Variants in PCDHA9 observed in about 807,000 individuals in gnomAD.
PCDHA9 encodes the protein protocadherin alpha-9.
PCDHA9 carries 62 observed loss-of-function variants against 62.0 expected under a neutral mutation model. That is an observed-to-expected ratio of 1.00 (90% CI 0.81 to 1.23). The LOEUF is 1.23. PCDHA9 is among the 50% of genes most tolerant of loss of function. The pLI, the probability that PCDHA9 is intolerant of heterozygous loss-of-function variation, is 0.00. For synonymous variants in PCDHA9, 557 were observed against 567.6 expected (o/e 0.98, Z 0.27); for missense variants, 1,205 against 1,249.8 (o/e 0.96, Z 0.54).
At chr5:140,870,557 A>G (rs1554164412) in intron 1 of PCDHA9, 5 of 1,613,906 alleles carry the variant, frequency 3.1e-6, no homozygotes, top group African/African-American at 2.7e-5. Context: ...GACGCGCAGG[A>G]GAACGCGCTG....
In PCDHA9 at chr5:140,884,106, T is replaced by C; in HGVS notation, c.2394+33217T>C. 1 of 1,613,420 alleles carries C rather than the reference T, an allele frequency of 6.2e-7. No individual in the cohort carries two copies. The highest frequency in any genetic ancestry group is 8.5e-7 in the Non-Finnish European group (1 of 1,179,712). On this transcript the variant is annotated intron_variant, in intron 1 of 3. Transcript: ENST00000532602. ...GCGTGGCTTTCGTATGAATTGCAGC[T>C]GGCGGCGGTCGGCGCGCGCATCCCG...
chr5:140,872,581 C>T (rs1037284236), intron 1 of PCDHA9, among the ~76,000 whole-genome samples: 14 of 152,104 alleles, frequency 9.2e-5, no homozygotes, highest in African/African-American at 3.1e-4. Flanking sequence ...GACCTATCAT[C>T]GTGAGACCCC....
At chr5:140,861,448 AC>A in intron 1 of PCDHA9, 2 of 493,166 alleles carry the variant, frequency 4.1e-6, no homozygotes, top group Non-Finnish European at 8.3e-6. Context: ...AGCCGCAGAA[AC>A]CTTCTGGAGG....
intron 1 of PCDHA9, chr5:140,871,241 C>G (rs782602807): frequency 3.7e-6 from 6 of 1,613,972 alleles, no homozygotes; most frequent in Non-Finnish European, 5.1e-6. Flanking sequence ...CTGGTACTCA[C>G]GCTGCTGCTG....
chr5:140,863,308 G>T (rs782229195), intron 1 of PCDHA9: 3 of 1,462,294 alleles, frequency 2.1e-6, no homozygotes, highest in Non-Finnish European at 1.9e-6. Context: ...CGCCATCTGC[G>T]TGGTGTCCAG....
chr5:140,973,815 A>C (rs2096603789), intron 1 of PCDHA9, among the ~76,000 whole-genome samples: 1 of 152,224 alleles, frequency 6.6e-6, no homozygotes, highest in African/African-American at 2.4e-5. Flanking sequence ...CAGAATAGCA[A>C]AGTCAGTTCT....
rs782337552 is a variant in PCDHA9, at chr5:140,856,686, C to G, written c.2394+5797C>G. On this transcript the variant is annotated intron_variant, in intron 1 of 3. Transcript: ENST00000532602. ...CCTCAGCTAAAGTTGTTGTTGACAG[C>G]AACTGATGGAGGCAAACCTGAATTT... is the stretch of plus-strand genomic sequence containing the variant. The G allele has an allele frequency of 1.9e-6, 3 of 1,597,202 alleles. No individual in the cohort carries two copies. The East Asian group carries it at 6.7e-5, about 36-fold the overall frequency.
chr5:140,902,724 C>T (rs1463381369), intron 1 of PCDHA9, among the ~76,000 whole-genome samples: 6 of 148,640 alleles, frequency 4.0e-5, no homozygotes, highest in Admixed American at 3.3e-4. Context: ...TCCCACCCTT[C>T]CCTCCAAGTC....
chr5:140,850,456 A>T lies in PCDHA9; in HGVS notation c.1961A>T (p.His654Leu), dbSNP rs2150485002. 3 of 1,597,744 alleles carry T rather than the reference A, an allele frequency of 1.9e-6. No homozygotes were observed. In the Admixed American group the frequency reaches 5.1e-5, roughly 27 times the overall value. ...RQRLLVLVKD[H>L]GEPALTATAT... ...CGCCTACTGGTGCTGGTGAAAGACC[A>T]CGGGGAGCCAGCGCTGACGGCCACG... The change falls in exon 1 of 4, where the codon CAC (histidine) becomes CTC (leucine). Residue 654 changes from histidine to leucine, a missense_variant. His to Leu is a moderately conservative substitution (Grantham distance 99). Coordinates refer to ENST00000532602, the MANE Select transcript of PCDHA9 (RefSeq NM_031857.2).
In PCDHA9 at chr5:140,937,565, T is replaced by C. The variant is rs528061401; in HGVS notation, c.2395-41384T>C. ...CTGCGAGGCAGAGGTTGCAGTGAGC[T>C]GGGATCGCGTCACTGCACTCTAGCC... On this transcript the variant is annotated intron_variant, in intron 1 of 3. Transcript: ENST00000532602. Among the ~76,000 whole-genome samples the C allele has an allele frequency of 1.9e-3, 290 of 151,276 alleles. 1 individual carries two copies. The highest frequency in any genetic ancestry group is 6.8e-3 in the African/African-American group (279 of 40,958).
intron 3 of PCDHA9, among the ~76,000 whole-genome samples, chr5:141,007,733 C>A (rs2098343034): frequency 6.6e-6 from 1 of 152,180 alleles, no homozygotes; most frequent in African/African-American, 2.4e-5. Flanking sequence ...CAAAGGTTAA[C>A]CACTGAAGAT....
chr5:140,909,462 C>T (rs2074519059), intron 1 of PCDHA9, among the ~76,000 whole-genome samples: 1 of 152,212 alleles, frequency 6.6e-6, no homozygotes, highest in Non-Finnish European at 1.5e-5. Flanking sequence ...ATCCATCTGT[C>T]TTCTTCACAG....
At chr5:140,997,615 T>C (rs900460811) in intron 3 of PCDHA9, among the ~76,000 whole-genome samples, 5 of 152,096 alleles carry the variant, frequency 3.3e-5, no homozygotes, top group Non-Finnish European at 7.3e-5. Context: ...CATGACTATA[T>C]AGAGATTTTC....
chr5:140,854,800 A>G (rs1032685213), intron 1 of PCDHA9: 4 of 149,738 alleles, frequency 2.7e-5, no homozygotes, highest in African/African-American at 9.8e-5. Flanking sequence ...GAGAGAAAAA[A>G]ATATTTTTAC....
chr5:140,869,750 A>T (rs1467855920), intron 1 of PCDHA9: 1 of 1,613,280 alleles, frequency 6.2e-7, no homozygotes, highest in Non-Finnish European at 8.5e-7. Context: ...ACAGCTACAG[A>T]CGGGGGAAAA....
rs2150458402 is a variant in PCDHA9 at position 140,849,934 on chromosome 5, G to C, written c.1439G>C (p.Arg480Pro). The C allele has an allele frequency of 2.5e-6, 4 of 1,598,054 alleles. No homozygotes were observed. The highest frequency in any genetic ancestry group is 3.4e-6 in the Non-Finnish European group (4 of 1,167,746). Residue 480 changes from arginine to proline, a missense_variant, in exon 1 of 4, where the codon CGG (arginine) becomes CCG (proline). Transcript: ENST00000532602. ...PGCHIFTVSA[R>P]DADAQENALV... ...TGCCACATCTTCACGGTGTCTGCGC[G>C]GGACGCTGACGCGCAGGAGAACGCC...
intron 3 of PCDHA9, among the ~76,000 whole-genome samples, chr5:140,990,438 T>C (rs2097393735): frequency 2.0e-5 from 3 of 152,222 alleles, no homozygotes; most frequent in Admixed American, 2.0e-4. Context: ...CCCAATCTTG[T>C]GTCCAGAGCT....
chr5:140,871,799 T>C (rs1183689356), intron 1 of PCDHA9, among the ~76,000 whole-genome samples: 2 of 152,196 alleles, frequency 1.3e-5, no homozygotes, highest in Non-Finnish European at 2.9e-5. Context: ...AAATAATTAC[T>C]ATTTTCACTA....
chr5:140,882,319 G>T, intron 1 of PCDHA9: 3 of 1,614,136 alleles, frequency 1.9e-6, no homozygotes, highest in Non-Finnish European at 2.5e-6. Flanking sequence ...TACTGCTCTG[G>T]CTTCTGATCC....
Sources: gnomAD v4.1 joint callset for allele counts (sites outside exome capture counted in the v4.1 genomes callset) on GRCh38, gnomAD v4.1.1 for gene constraint, MANE v1.5 for transcripts, NCBI Gene and HGNC (gene_info 2026-07-23, HGNC 2026-07-21) for gene names.